MMP14: variants seen among roughly 807,000 people sequenced by gnomAD.
The protein encoded by MMP14 is matrix metallopeptidase 14.
MMP14 carries 13 observed loss-of-function variants against 64.8 expected under a neutral mutation model. The ratio of observed to expected loss-of-function variants is 0.20; its 90% CI spans 0.13 to 0.32. The LOEUF (loss-of-function observed/expected upper bound fraction) is 0.32, where lower values mean the gene tolerates loss of function less well. MMP14 is among the 10% of genes least tolerant of loss of function. The pLI is 1.00. For synonymous variants in MMP14, 322 were observed against 315.9 expected (o/e 1.02, Z -0.20); for missense variants, 594 against 783.8 (o/e 0.76, Z 2.89).
chr14:22,843,662 C>T lies in MMP14; in HGVS notation c.851-48C>T. The T allele has an allele frequency of 1.3e-6, 2 of 1,557,918 alleles. No individual in the cohort carries two copies. The highest frequency in any genetic ancestry group is 2.3e-5 in the East Asian group (1 of 44,070). On this transcript the variant is annotated intron_variant, in intron 5 of 9. Transcript: ENST00000311852. The surrounding 1 kb of genome is among the most constrained non-coding windows in gnomAD (Gnocchi z 4.8). ...TCTGCCCATCTGTCTGTCCTTCCGT[C>T]CCCGCCTCCTCCTAAGTCTGAAATG...
intron 1 of MMP14, chr14:22,837,441 G>C (rs1233520651): frequency 2.2e-6 from 1 of 454,598 alleles, no homozygotes; most frequent in Non-Finnish European, 4.4e-6. Context: ...CGGCCAGGTG[G>C]GGGTCGAGGG....
chr14:22,837,018 G>C, intron 1 of MMP14, 93 bp downstream of exon 1: 1 of 947,568 alleles, frequency 1.1e-6, no homozygotes, highest in Non-Finnish European at 1.6e-6. Flanking sequence ...GGAGAGGAGG[G>C]CTTTTGGGAT....
At chr14:22,836,952 G>C in intron 1 of MMP14, 27 bp downstream of exon 1, 1 of 1,587,434 alleles carries the variant, frequency 6.3e-7, no homozygotes, top group East Asian at 2.3e-5. Flanking sequence ...GCCCTTCCCG[G>C]AGTCGCGCCC....
chr14:22,839,195 G>A (rs17123091), intron 1 of MMP14, among the ~76,000 whole-genome samples: 5,841 of 152,324 alleles, frequency 0.038, 230 homozygotes, highest in African/African-American at 0.1. Context: ...GCCTTCCAGC[G>A]TCAGTAGACC....
intron 6 of MMP14, among the ~76,000 whole-genome samples, 182 bp from the exon 7 acceptor site, chr14:22,844,187 ACT>A (rs2039794729): frequency 7.4e-6 from 1 of 135,110 alleles, no homozygotes; most frequent in Non-Finnish European, 1.6e-5. Context: ...ACAGTGTGAG[ACT>A]CCATCTCAAA....
intron 6 of MMP14, 47 bp from the exon 7 acceptor site, chr14:22,844,324 T>A: frequency 1.2e-6 from 2 of 1,608,448 alleles, no homozygotes; most frequent in Admixed American, 1.7e-5. Flanking sequence ...ACCAGAGACC[T>A]AGGCCGCAAG....
rs140757040 is a variant in MMP14 at position 22,843,438 on chromosome 14, G to A, written c.850+20G>A. 327 of 1,603,974 alleles carry A rather than the reference G, an allele frequency of 2.0e-4. 1 individual carries two copies. Among genetic ancestry groups the A allele is most frequent in the African/African-American group, 1.5e-3 (115 of 74,862 alleles). The stretch of plus-strand genomic sequence containing the variant: ...TTTATGGCGAGTAGTCTACACCCAC[G>A]CCTGCTCCCTCCTCTGCTGCTTGTT... On this transcript the variant is annotated intron_variant, in intron 5 of 9. Transcript: ENST00000311852. The surrounding 1 kb of genome is among the most constrained non-coding windows in gnomAD (Gnocchi z 4.8).
rs2039778187 is a variant in MMP14 at position 22,842,297 on chromosome 14, C to T, written c.381-113C>T. ...CATGAGGTAGCAGGAAGAGCTGGGT[C>T]AGGCAGAGGTGGCTGGGCCGCGCAG... On this transcript the variant is annotated intron_variant, in intron 3 of 9. Transcript: ENST00000311852. This position sits in a 1 kb window ranked among gnomAD's most constrained non-coding sequence, Gnocchi z 5.3. 8.1e-7 allele frequency: 1 copy of T among 1,231,872 alleles called. No individual in the cohort carries two copies. 76.3% of individuals were successfully genotyped at this position (1,231,872 alleles called of 1,614,324 possible).
chr14:22,839,889 A>G (rs1163698541), intron 1 of MMP14, among the ~76,000 whole-genome samples: 2 of 150,838 alleles, frequency 1.3e-5, no homozygotes, highest in Non-Finnish European at 2.9e-5. Flanking sequence ...GACTAGAGCT[A>G]TCTGGGTGGT....
At position 22,842,748 on chromosome 14, in the gene MMP14, GA is replaced by G; in HGVS notation, c.688+36del. ...CCAAGTATCCCTGGGACTTACTCTG[GA>G]AAAAGCCAACAGTCATTTGTAGGGG... On this transcript the variant is annotated intron_variant, in intron 4 of 9. Transcript: ENST00000311852. The surrounding 1 kb of genome is among the most constrained non-coding windows in gnomAD (Gnocchi z 5.3). 2.6e-6 allele frequency: 4 copies of G among 1,557,754 alleles called. No individual in the cohort carries two copies. Among genetic ancestry groups the G allele is most frequent in the Non-Finnish European group, 2.6e-6 (3 of 1,149,606 alleles).
In MMP14 at chr14:22,842,687, C is replaced by A. The variant is rs764623811; in HGVS notation, c.658C>A (p.Pro220Thr). 6.2e-7 allele frequency: 1 copy of A among 1,609,106 alleles called. No individual in the cohort carries two copies. The highest frequency in any genetic ancestry group is 8.5e-7 in the Non-Finnish European group (1 of 1,176,600). ...AGACACCCACTTTGACTCTGCCGAG[C>A]CTTGGACTGTCAGGAATGAGGATCT... ...GGDTHFDSAE[P>T]WTVRNEDLNG... The change falls in exon 4 of 10, where the codon CCT becomes ACT. Residue 220 changes from proline to threonine, a missense_variant. Pro to Thr is a conservative substitution (Grantham distance 38, BLOSUM62 -1). This residue lies in a region of MMP14 where 179 missense variants were observed against 283.4 expected (regional missense o/e 0.63). Transcript: ENST00000311852. This position sits in a 1 kb window ranked among gnomAD's most constrained non-coding sequence, Gnocchi z 5.3.
chr14:22,838,397 A>G (rs1282086210), intron 1 of MMP14, among the ~76,000 whole-genome samples: 3 of 152,090 alleles, frequency 2.0e-5, no homozygotes, highest in South Asian at 2.1e-4. Context: ...GGGCGGTCCC[A>G]GTGCCAGAAC....
rs568596821 is a variant in MMP14 at position 22,842,884 on chromosome 14, C to A, written c.688+167C>A. On this transcript the variant is annotated intron_variant, in intron 4 of 9. Transcript: ENST00000311852. This position sits in a 1 kb window ranked among gnomAD's most constrained non-coding sequence, Gnocchi z 5.3. The stretch of plus-strand genomic sequence containing the variant: ...CCTGTTTGAGCTATTTACATCTGGT[C>A]CCCCCTCTCACCCACTGACTGGCTT... 3.3e-5 allele frequency among the ~76,000 whole-genome samples: 5 copies of A among 152,200 alleles called. No individual in the cohort carries two copies. The East Asian group carries it at 7.7e-4, about 24-fold the overall frequency.
At chr14:22,845,480 C>T (rs1044236389) in intron 9 of MMP14, 114 bp downstream of exon 9, 5 of 881,906 alleles carry the variant, frequency 5.7e-6, no homozygotes, top group Non-Finnish European at 8.7e-6. Flanking sequence ...GATGATAATA[C>T]CACATACCAG....
Position 22,843,790 on chromosome 14 carries a change from A to C in MMP14, c.931A>C (p.Asn311His). Residue 311 changes from asparagine to histidine, a missense_variant, in exon 6 of 10, where the codon AAC (asparagine) becomes CAC (histidine). Coordinates refer to ENST00000311852, the MANE Select transcript of MMP14 (RefSeq NM_004995.4). This position sits in a 1 kb window ranked among gnomAD's most constrained non-coding sequence, Gnocchi z 4.8. ...GCCTTCTGTTCCTGATAAACCCAAA[A>C]ACCCCACCTATGGGCCCAACATCTG... Reference protein sequence around the residue: ...SRPSVPDKPKNPTYGPNICDG... With the variant: ...SRPSVPDKPKHPTYGPNICDG... 6.2e-7 allele frequency: 1 copy of C among 1,613,488 alleles called. No homozygotes were observed. Among genetic ancestry groups the C allele is most frequent in the East Asian group, 2.2e-5 (1 of 44,814 alleles).
Position 22,847,413 on chromosome 14 carries a change from C to T in MMP14, c.*1374C>T, listed in dbSNP as rs1345220845. ...CCACCAAAGGTGGTGGCCATGGTACCGGGGACTTGGGAGAGTGAGACCCAG... is the reference window on the plus strand; with the variant it reads ...CCACCAAAGGTGGTGGCCATGGTACTGGGGACTTGGGAGAGTGAGACCCAG... On this transcript the variant is annotated 3_prime_UTR_variant, in exon 10 of 10. Coordinates refer to ENST00000311852, the MANE Select transcript of MMP14 (RefSeq NM_004995.4). The T allele has an allele frequency of 8.6e-6, 1 of 116,298 alleles. No homozygotes were observed. Among genetic ancestry groups the T allele is most frequent in the Non-Finnish European group, 1.8e-5 (1 of 56,116 alleles). 7.2% of individuals were successfully genotyped at this position (116,298 alleles called of 1,614,324 possible). A position where few individuals can be genotyped will look rare whatever the true frequency, so the allele number is the denominator to read the frequency against.
intron 1 of MMP14, 134 bp downstream of exon 1, chr14:22,837,059 T>A: frequency 2.7e-6 from 2 of 735,036 alleles, no homozygotes; most frequent in Non-Finnish European, 4.8e-6. Flanking sequence ...GGATTCCCCC[T>A]CCCTTTCTTT....
chr14:22,843,309 C>G lies in MMP14; in HGVS notation c.741C>G (p.Leu247=). 6.2e-7 allele frequency: 1 copy of G among 1,614,048 alleles called. No homozygotes were observed. ...ACGAGCTGGGCCATGCCCTGGGGCT[C>G]GAGCATTCCAGTGACCCCTCGGCCA... is the stretch of plus-strand genomic sequence containing the variant. The part of the protein sequence containing the change: ...AVHELGHALG[L]EHSSDPSAIM... The change falls in exon 5 of 10, where the codon CTC becomes CTG. Residue 247 remains leucine (L), a synonymous_variant. Transcript: ENST00000311852. The surrounding 1 kb of genome is among the most constrained non-coding windows in gnomAD (Gnocchi z 4.8).
Position 22,844,742 on chromosome 14 carries a change from G to C in MMP14, c.1263G>C (p.Trp421Cys), listed in dbSNP as rs2039799931. The change falls in exon 8 of 10, where the codon TGG (tryptophan) becomes TGC (cysteine). Residue 421 changes from tryptophan (W) to cysteine (C), a missense_variant. By Grantham distance (215) the Trp-to-Cys change is radical (BLOSUM62 -2). This residue lies in a region of MMP14 where 364 missense variants were observed against 425.2 expected (regional missense o/e 0.86). Coordinates refer to ENST00000311852, the MANE Select transcript of MMP14 (RefSeq NM_004995.4). ...ACAAGATTGATGCTGCTCTCTTCTG[G>C]ATGCCCAATGGAAAGACCTACTTCT... is the stretch of plus-strand genomic sequence containing the variant. ...PTDKIDAALFWMPNGKTYFFR... is the reference protein window; with the variant it reads ...PTDKIDAALFCMPNGKTYFFR... The C allele has an allele frequency of 1.2e-6, 2 of 1,614,062 alleles. No homozygotes were observed. Among genetic ancestry groups the C allele is most frequent in the Non-Finnish European group, 1.7e-6 (2 of 1,179,998 alleles).
Sources: allele counts gnomAD v4.1 joint callset (sites outside exome capture counted in the v4.1 genomes callset), GRCh38; gene constraint gnomAD v4.1.1; regional missense constraint gnomAD v4.1.1; non-coding constraint Gnocchi (gnomAD v3.1); transcripts MANE v1.5; gene names NCBI Gene and HGNC (gene_info 2026-07-23, HGNC 2026-07-21).